The following BCL2 variants were observed in gnomAD, a reference collection of about 807,000 sequenced individuals.
The protein encoded by BCL2 is apoptosis regulator Bcl-2.
In BCL2, 1 loss-of-function variant was observed where a neutral mutation model predicts 14.2. The observed-to-expected ratio is 0.07, with a 90% confidence interval of 0.02 to 0.33. The LOEUF (loss-of-function observed/expected upper bound fraction) is 0.33. Ranked by LOEUF, BCL2 falls within the 10% of genes least tolerant of loss-of-function variation. BCL2 has a pLI of 0.99. For missense variants in BCL2, 247 were observed against 305.9 expected, an observed-to-expected ratio of 0.81 and a Z score of 1.44; for synonymous variants, 151 against 137.2, an observed-to-expected ratio of 1.10 and a Z score of -0.70.
chr18:63,129,192 C>T (rs1032006150), intron 2 of BCL2, among the ~76,000 whole-genome samples: 1 of 152,260 alleles, frequency 6.6e-6, no homozygotes, highest in African/African-American at 2.4e-5. Context: ...GTAATAAAAT[C>T]TAGCAATGAT....
chr18:63,168,706 T>C (rs1212121643), intron 2 of BCL2, among the ~76,000 whole-genome samples: 1 of 152,252 alleles, frequency 6.6e-6, no homozygotes, highest in Admixed American at 6.5e-5. Flanking sequence ...GCTCCGTTTA[T>C]TGGTATGTCT....
chr18:63,184,129 G>A (rs1036235031), intron 2 of BCL2, among the ~76,000 whole-genome samples: 14 of 152,218 alleles, frequency 9.2e-5, no homozygotes, highest in Non-Finnish European at 2.9e-5. Flanking sequence ...GGGACTCATC[G>A]GCTGCTGGTT....
intron 2 of BCL2, among the ~76,000 whole-genome samples, chr18:63,269,350 T>C (rs780362316): frequency 6.6e-6 from 1 of 152,004 alleles, no homozygotes; most frequent in Non-Finnish European, 1.5e-5. Flanking sequence ...ATTTTCCCAC[T>C]TGTAGAGATT....
chr18:63,157,536 C>T (rs149631315), intron 2 of BCL2, among the ~76,000 whole-genome samples: 3 of 152,224 alleles, frequency 2.0e-5, no homozygotes, highest in Non-Finnish European at 4.4e-5. Flanking sequence ...AATTAGCGTT[C>T]GCTGTTTTCA....
intron 2 of BCL2, among the ~76,000 whole-genome samples, chr18:63,158,608 A>G (rs1914842873): frequency 6.6e-6 from 1 of 152,234 alleles, no homozygotes; most frequent in Admixed American, 6.5e-5. Flanking sequence ...CCCAGAATCC[A>G]AGGTCTAAGT....
intron 2 of BCL2, among the ~76,000 whole-genome samples, chr18:63,186,031 G>C (rs909851670): frequency 6.6e-6 from 1 of 152,196 alleles, no homozygotes; most frequent in African/African-American, 2.4e-5. Context: ...TATGGTTTCT[G>C]CTGATCACTC....
chr18:63,123,783 T>A lies in BCL2; in HGVS notation c.*4842A>T, dbSNP rs1274985798. The A allele has an allele frequency of 4.6e-6, 1 of 218,696 alleles. No individual in the cohort carries two copies. Among genetic ancestry groups the A allele is most frequent in the Non-Finnish European group, 9.2e-6 (1 of 108,848 alleles). 13.5% of individuals were successfully genotyped at this position (218,696 alleles called of 1,614,324 possible). A position where few individuals can be genotyped will look rare whatever the true frequency, so the allele number is the denominator to read the frequency against. The stretch of plus-strand genomic sequence containing the variant: ...AAGAAATGCAATCCACTGTCACTCT[T>A]GCAAATTCTACCTTGGAGGGAAAAA... On this transcript the variant is annotated 3_prime_UTR_variant, in exon 3 of 3. Transcript: ENST00000333681.
intron 2 of BCL2, among the ~76,000 whole-genome samples, chr18:63,223,266 G>C (rs1298644637): frequency 6.6e-6 from 1 of 152,164 alleles, no homozygotes; most frequent in Non-Finnish European, 1.5e-5. Context: ...CGGGCGTGGT[G>C]GCGGGCACCT....
chr18:63,280,985 A>G (rs1295702365), intron 2 of BCL2, among the ~76,000 whole-genome samples: 1 of 152,222 alleles, frequency 6.6e-6, no homozygotes, highest in Non-Finnish European at 1.5e-5. Context: ...GATCCATTCA[A>G]TGGAATATCA....
intron 2 of BCL2, among the ~76,000 whole-genome samples, chr18:63,212,363 CA>C (rs1032799414): frequency 2.0e-5 from 3 of 150,982 alleles, no homozygotes; most frequent in African/African-American, 4.9e-5. Flanking sequence ...AAAAAAAACA[CA>C]AAAAAACTCC....
chr18:63,247,710 G>A (rs1000859975), intron 2 of BCL2, among the ~76,000 whole-genome samples: 1 of 152,118 alleles, frequency 6.6e-6, no homozygotes, highest in African/African-American at 2.4e-5. Flanking sequence ...ACAAGGTCAT[G>A]AGAGGTCAGG....
intron 2 of BCL2, chr18:63,314,835 G>A (rs1913446514): frequency 6.6e-6 from 1 of 152,212 alleles, no homozygotes; most frequent in Non-Finnish European, 1.5e-5. Flanking sequence ...TGGGACCAGT[G>A]ATGCCAATAT....
chr18:63,179,870 C>T (rs1277093520), intron 2 of BCL2, among the ~76,000 whole-genome samples: 1 of 152,166 alleles, frequency 6.6e-6, no homozygotes. Flanking sequence ...CACACAGTAG[C>T]TCAACAGATG....
At chr18:63,247,446 C>T (rs1911183529) in intron 2 of BCL2, among the ~76,000 whole-genome samples, 1 of 152,058 alleles carries the variant, frequency 6.6e-6, no homozygotes, top group African/African-American at 2.4e-5. Context: ...GATCTGCCCA[C>T]CTTGACCTCC....
chr18:63,202,520 AT>A (rs893550289), intron 2 of BCL2, among the ~76,000 whole-genome samples: 1 of 152,100 alleles, frequency 6.6e-6, no homozygotes, highest in African/African-American at 2.4e-5. Context: ...CAGCTCTAAC[AT>A]TTTGTGACTA....
chr18:63,209,252 G>T (rs550038856), intron 2 of BCL2, among the ~76,000 whole-genome samples: 71 of 152,288 alleles, frequency 4.7e-4, no homozygotes, highest in African/African-American at 1.7e-3. Flanking sequence ...GTGACTCTCT[G>T]TTTTCAGGGT....
Position 63,318,974 on chromosome 18 carries a change from A to C in BCL2, c.-286-22T>G. The C allele has an allele frequency of 7.9e-7, 1 of 1,271,222 alleles. No homozygotes were observed. The highest frequency in any genetic ancestry group is 1.0e-6 in the Non-Finnish European group (1 of 998,752). The allele number at this position is 1,271,222 out of a possible 1,614,324, so 78.7% of individuals were successfully genotyped here. ...GATGCTGAAAGGTTAAAGAAAAAAC[A>C]AACTAATAAGTAAAAAATCAGGTGC... On this transcript the variant is annotated intron_variant, in intron 1 of 2. Transcript: ENST00000333681. This position sits in a 1 kb window ranked among gnomAD's most constrained non-coding sequence, Gnocchi z 7.4.
intron 2 of BCL2, among the ~76,000 whole-genome samples, chr18:63,221,239 C>A (rs888202399): frequency 2.6e-5 from 4 of 152,218 alleles, no homozygotes; most frequent in African/African-American, 9.7e-5. Flanking sequence ...TGATCTCTGG[C>A]AACCCATGAC....
chr18:63,262,088 T>TA (rs1555705221), intron 2 of BCL2, among the ~76,000 whole-genome samples: 10 of 151,266 alleles, frequency 6.6e-5, no homozygotes, highest in Non-Finnish European at 1.0e-4. Flanking sequence ...CCAATTTTTT[T>TA]ATATTTTTAG....
Sources: allele counts gnomAD v4.1 joint callset (sites outside exome capture counted in the v4.1 genomes callset), GRCh38; gene constraint gnomAD v4.1.1; non-coding constraint Gnocchi (gnomAD v3.1); transcripts MANE v1.5; gene names NCBI Gene and HGNC (gene_info 2026-07-23, HGNC 2026-07-21).